The following NOTCH2NLB variants were observed in gnomAD, a reference collection of about 807,000 sequenced individuals.
NOTCH2NLB encodes the protein notch 2 N-terminal like B.
In NOTCH2NLB, 1 loss-of-function variant was observed where a neutral mutation model predicts 14.8. That is an observed-to-expected ratio of 0.07 (90% CI 0.02 to 0.32). The LOEUF is 0.32. NOTCH2NLB is among the 10% of genes least tolerant of loss of function. The probability of loss-of-function intolerance (pLI) is 1.00; values close to 1 mark genes in which losing one functional copy is unlikely to be tolerated. For missense variants in NOTCH2NLB, 11 were observed against 155.0 expected, an observed-to-expected ratio of 0.07 and a Z score of 4.93; for synonymous variants, 6 against 57.5, an observed-to-expected ratio of 0.10 and a Z score of 4.05.
intron 1 of NOTCH2NLB, among the ~76,000 whole-genome samples, chr1:148,645,989 T>C (rs1664364504): frequency 6.7e-6 from 1 of 148,462 alleles, no homozygotes; most frequent in South Asian, 2.1e-4. Flanking sequence ...TTCTTTGTGC[T>C]TGATACAGTT....
At chr1:148,670,620 A>G (rs1465343219) in intron 1 of NOTCH2NLB, among the ~76,000 whole-genome samples, 25 of 133,398 alleles carry the variant, frequency 1.9e-4, no homozygotes, top group African/African-American at 6.5e-4. Flanking sequence ...TAAAAAAACC[A>G]AAGACGTATA....
intron 2 of NOTCH2NLB, among the ~76,000 whole-genome samples, chr1:148,638,043 A>G (rs1252117596): frequency 6.7e-6 from 1 of 148,532 alleles, no homozygotes; most frequent in African/African-American, 2.5e-5. Flanking sequence ...AATAGTGCTG[A>G]AGTAAACACA....
At chr1:148,639,225 C>A (rs1664287729) in intron 2 of NOTCH2NLB, among the ~76,000 whole-genome samples, 1 of 106,346 alleles carries the variant, frequency 9.4e-6, no homozygotes, top group Admixed American at 8.9e-5. Context: ...CCCTGCTCCC[C>A]CTCAATCTAC....
At chr1:148,651,162 A>AATATATATATATATATATATAT (rs1218372509) in intron 1 of NOTCH2NLB, among the ~76,000 whole-genome samples, 3 of 46,026 alleles carry the variant, frequency 6.5e-5, no homozygotes, top group Non-Finnish European at 4.2e-5. Flanking sequence ...AAAAAAAAAA[A>AATATATATATATATATATATAT]ATATATATAT....
In NOTCH2NLB at chr1:148,651,144, G is replaced by GAAAAAAAAA. The variant is rs1159790526; in HGVS notation, c.4-11064_4-11056dup. On this transcript the variant is annotated intron_variant, in intron 1 of 4. Coordinates refer to ENST00000593495, the Ensembl canonical transcript of NOTCH2NLB. The stretch of plus-strand genomic sequence containing the variant: ...GGCGACACAGCAAGACTCTGCCTGA[G>GAAAAAAAAA]AAAAAAAAAAAAAAAAAAATATATA... Among the ~76,000 whole-genome samples, 279 of 76,300 alleles carry GAAAAAAAAA rather than the reference G, an allele frequency of 3.7e-3. 1 individual carries two copies. The highest frequency in any genetic ancestry group is 5.0e-3 in the Non-Finnish European group (210 of 42,276). 50.1% of individuals were successfully genotyped at this position (76,300 alleles called of 152,430 possible). A position where few individuals can be genotyped will look rare whatever the true frequency, so the allele number is the denominator to read the frequency against.
intron 1 of NOTCH2NLB, among the ~76,000 whole-genome samples, chr1:148,661,613 T>C (rs1664688228): frequency 1.3e-5 from 2 of 150,048 alleles, no homozygotes; most frequent in Admixed American, 1.3e-4. Flanking sequence ...CTCAGGATGG[T>C]GGAGAATGGT....
At chr1:148,673,999 T>C (rs1664803945) in intron 1 of NOTCH2NLB, among the ~76,000 whole-genome samples, 1 of 68,154 alleles carries the variant, frequency 1.5e-5, no homozygotes, top group Non-Finnish European at 3.4e-5. Context: ...GCTTGATAAA[T>C]GTTATTCTCC....
chr1:148,600,348 T>C, the NOTCH2NLB span, among the ~76,000 whole-genome samples: 1 of 151,126 alleles, frequency 6.6e-6, no homozygotes, highest in African/African-American at 2.5e-5. Flanking sequence ...AAGTCTATCA[T>C]CAAGAATGTG....
rs1367103693 is a variant in NOTCH2NLB at position 148,628,205 on chromosome 1, C to T, written c.77+11811G>A. ...TCTTGCACTTTTATTGGTCTTTCAT[C>T]GGTTGTTGATAAGACTGACTACATA... On this transcript the variant is annotated intron_variant, in intron 2 of 4. Transcript: ENST00000593495. Among the ~76,000 whole-genome samples the T allele has an allele frequency of 3.0e-4, 38 of 127,408 alleles. 3 individuals are homozygous for T. The highest frequency in any genetic ancestry group is 9.1e-4 in the African/African-American group (26 of 28,514). The allele number at this position is 127,408 out of a possible 152,430, so 83.6% of individuals were successfully genotyped here. A position where few individuals can be genotyped will look rare whatever the true frequency, so the allele number is the denominator to read the frequency against.
intron 2 of NOTCH2NLB, among the ~76,000 whole-genome samples, chr1:148,628,617 A>C (rs1664040169): frequency 7.1e-5 from 1 of 14,068 alleles, no homozygotes; most frequent in Non-Finnish European, 1.1e-4. Flanking sequence ...TATGTAATAA[A>C]GGCTAATTCG....
At chr1:148,673,492 C>T (rs1664790317) in intron 1 of NOTCH2NLB, among the ~76,000 whole-genome samples, 2 of 88,058 alleles carry the variant, frequency 2.3e-5, no homozygotes, top group South Asian at 1.2e-3. Context: ...TTTGCAACGG[C>T]TGAGGACAGA....
chr1:148,679,434 G>A (rs1230215465), intron 1 of NOTCH2NLB, 28 bp downstream of exon 1: 1 of 984,174 alleles, frequency 1.0e-6, no homozygotes, highest in Non-Finnish European at 1.3e-6. Flanking sequence ...CGGGCGCCGC[G>A]GACAGCGCCC....
intron 1 of NOTCH2NLB, among the ~76,000 whole-genome samples, chr1:148,645,819 T>C (rs1348236401): frequency 5.3e-5 from 8 of 150,818 alleles, no homozygotes; most frequent in Non-Finnish European, 1.2e-4. Context: ...CAGGGTCTTC[T>C]AGCTCTCTGC....
chr1:148,601,373 CT>C, the NOTCH2NLB span, among the ~76,000 whole-genome samples: 1 of 149,460 alleles, frequency 6.7e-6, no homozygotes, highest in Non-Finnish European at 1.5e-5. Flanking sequence ...CAAGGCACTT[CT>C]TAAAAATATA....
Position 148,633,210 on chromosome 1 carries a change from T to C in NOTCH2NLB, c.77+6806A>G, listed in dbSNP as rs1442481496. Among the ~76,000 whole-genome samples, 3 of 126,810 alleles carry C rather than the reference T, an allele frequency of 2.4e-5. 1 individual carries two copies. Among genetic ancestry groups the C allele is most frequent in the Non-Finnish European group, 4.9e-5 (3 of 61,668 alleles). 83.2% of individuals were successfully genotyped at this position (126,810 alleles called of 152,430 possible). ...AGACTTTAACTTGCCAAAGATCCAA[T>C]TGTTAATAGGAATCAGGACTCAAAC... On this transcript the variant is annotated intron_variant, in intron 2 of 4. Transcript: ENST00000593495.
intron 3 of NOTCH2NLB, among the ~76,000 whole-genome samples, chr1:148,609,567 T>A (rs1264670744): frequency 7.1e-6 from 1 of 139,962 alleles, no homozygotes; most frequent in Non-Finnish European, 1.5e-5. Flanking sequence ...CGTGTGCATG[T>A]GTCTTTATAG....
intron 1 of NOTCH2NLB, among the ~76,000 whole-genome samples, chr1:148,674,657 G>C (rs1664814126): frequency 2.2e-5 from 2 of 89,296 alleles, no homozygotes; most frequent in Non-Finnish European, 4.8e-5. Flanking sequence ...ACTAAGACCT[G>C]CCGCTCAGTT....
At chr1:148,627,766 A>G (rs1664017930) in intron 2 of NOTCH2NLB, among the ~76,000 whole-genome samples, 1 of 148,842 alleles carries the variant, frequency 6.7e-6, no homozygotes, top group African/African-American at 2.4e-5. Flanking sequence ...ATTAGCCCTT[A>G]TTATGATTAT....
At chr1:148,661,515 A>G (rs1664683884) in intron 1 of NOTCH2NLB, among the ~76,000 whole-genome samples, 1 of 149,180 alleles carries the variant, frequency 6.7e-6, no homozygotes, top group Non-Finnish European at 1.5e-5. Context: ...AATAAAAATT[A>G]TAATACATAT....
Sources: gnomAD v4.1 joint callset for allele counts (sites outside exome capture counted in the v4.1 genomes callset) on GRCh38, gnomAD v4.1.1 for gene constraint, MANE v1.5 for transcripts, NCBI Gene and HGNC (gene_info 2026-07-23, HGNC 2026-07-21) for gene names.